The following CNTN6 variants were observed in gnomAD, a reference collection of about 807,000 sequenced individuals.
The protein encoded by CNTN6 is contactin 6.
A neutral mutation model predicts 122.8 loss-of-function variants in CNTN6; 137 were observed. The observed-to-expected ratio is 1.12, with a 90% CI of 0.97 to 1.29. CNTN6 has a LOEUF of 1.29. Among genes scored for constraint, CNTN6 ranks in the 50% most tolerant of loss-of-function variants. The pLI is 0.00. For synonymous variants in CNTN6, 570 were observed against 426.0 expected (o/e 1.34, Z -4.16); for missense variants, 1,634 against 1,223.4 (o/e 1.34, Z -5.01).
At chr3:1,248,410 C>T (rs2094610753) in intron 4 of CNTN6, among the ~76,000 whole-genome samples, 1 of 152,130 alleles carries the variant, frequency 6.6e-6, no homozygotes, top group South Asian at 2.1e-4. Flanking sequence ...ACAGTTATTT[C>T]TAATTAAACA....
intron 7 of CNTN6, among the ~76,000 whole-genome samples, chr3:1,306,313 G>A (rs1043363242): frequency 1.3e-5 from 2 of 151,902 alleles, no homozygotes; most frequent in African/African-American, 2.4e-5. Context: ...TTAACATGAC[G>A]TGGTATTGCT....
At chr3:1,094,271 T>C (rs2090399137) in intron 1 of CNTN6, among the ~76,000 whole-genome samples, 1 of 152,082 alleles carries the variant, frequency 6.6e-6, no homozygotes, top group African/African-American at 2.4e-5. Context: ...TCTTTTTCCC[T>C]CCTCCTTCAC....
intron 11 of CNTN6, among the ~76,000 whole-genome samples, chr3:1,336,102 G>C (rs935498933): frequency 7.0e-6 from 1 of 143,012 alleles, no homozygotes; most frequent in African/African-American, 2.5e-5. Context: ...TTTGGTAATT[G>C]ACAGCATTTT....
At chr3:1,199,413 C>T (rs1033378408) in intron 2 of CNTN6, among the ~76,000 whole-genome samples, 1 of 152,006 alleles carries the variant, frequency 6.6e-6, no homozygotes, top group African/African-American at 2.4e-5. Flanking sequence ...CTCCTAGGCT[C>T]AAGCAGTCCC....
intron 1 of CNTN6, among the ~76,000 whole-genome samples, chr3:1,141,322 A>G (rs1384907555): frequency 6.6e-6 from 1 of 152,190 alleles, no homozygotes; most frequent in East Asian, 1.9e-4. Flanking sequence ...ATGGATCTTG[A>G]TCTTCACTAT....
intron 6 of CNTN6, among the ~76,000 whole-genome samples, chr3:1,296,993 A>C (rs511112): frequency 0.44 from 65,703 of 150,046 alleles, 16,907 homozygotes; most frequent in African/African-American, 0.76. Flanking sequence ...AATCAAACCT[A>C]TTTTAAAAGT....
chr3:1,289,276 C>A (rs951337558), intron 5 of CNTN6, among the ~76,000 whole-genome samples: 3 of 152,120 alleles, frequency 2.0e-5, no homozygotes, highest in African/African-American at 7.2e-5. Flanking sequence ...CAGGCTGGCT[C>A]TTCAGATGAC....
In CNTN6 at chr3:1,136,894, A is replaced by G. The variant is rs181785610; in HGVS notation, c.-82-11033A>G. On this transcript the variant is annotated intron_variant, in intron 1 of 22. Transcript: ENST00000446702. The stretch of plus-strand genomic sequence containing the variant: ...CAGTTTCAGTCTCTTCACCTGTAAA[A>G]TGAAAGCAATAATTGTATACCTCTT... Among the ~76,000 whole-genome samples, 386 of 152,326 alleles carry G rather than the reference A, an allele frequency of 2.5e-3. 5 individuals carry two copies. The highest frequency in any genetic ancestry group is 3.3e-3 in the East Asian group (17 of 5,180).
chr3:1,352,225 C>G (rs943460792), intron 11 of CNTN6, 99 bp from the exon 12 acceptor site: 1 of 1,063,086 alleles, frequency 9.4e-7, no homozygotes, highest in Non-Finnish European at 1.3e-6. Context: ...TTATCACATA[C>G]ACCCATGATT....
intron 7 of CNTN6, among the ~76,000 whole-genome samples, 194 bp from the exon 8 acceptor site, chr3:1,321,456 C>T (rs935963838): frequency 2.6e-5 from 4 of 151,742 alleles, no homozygotes; most frequent in African/African-American, 9.7e-5. Context: ...TTGCATACGG[C>T]AGGCACTTAA....
At chr3:1,339,523 G>C (rs550393692) in intron 11 of CNTN6, among the ~76,000 whole-genome samples, 5 of 152,264 alleles carry the variant, frequency 3.3e-5, no homozygotes, top group Admixed American at 6.5e-5. Flanking sequence ...CATGTGAAGA[G>C]AGTGAGGGCA....
intron 10 of CNTN6, among the ~76,000 whole-genome samples, chr3:1,329,545 A>G (rs112423837): frequency 1.3e-5 from 2 of 151,790 alleles, no homozygotes; most frequent in Non-Finnish European, 2.9e-5. Context: ...CAACTGTTAC[A>G]TCATTTAATC....
At chr3:1,107,736 A>C (rs939761412) in intron 1 of CNTN6, among the ~76,000 whole-genome samples, 6 of 152,086 alleles carry the variant, frequency 3.9e-5, no homozygotes, top group Non-Finnish European at 8.8e-5. Context: ...GTGTATAATT[A>C]GCATGATTTC....
At chr3:1,239,576 A>G (rs2094458507) in intron 4 of CNTN6, among the ~76,000 whole-genome samples, 1 of 152,204 alleles carries the variant, frequency 6.6e-6, no homozygotes, top group African/African-American at 2.4e-5. Flanking sequence ...GAGAATCAAT[A>G]TTGTGAAAAT....
intron 4 of CNTN6, among the ~76,000 whole-genome samples, chr3:1,263,501 G>A (rs763134665): frequency 7.2e-5 from 11 of 152,096 alleles, no homozygotes; most frequent in Non-Finnish European, 1.3e-4. Flanking sequence ...TTCATTCGGG[G>A]CCGTTTTGCA....
intron 12 of CNTN6, among the ~76,000 whole-genome samples, chr3:1,359,980 G>A (rs1009670431): frequency 2.6e-5 from 4 of 152,000 alleles, no homozygotes; most frequent in African/African-American, 9.7e-5. Flanking sequence ...AGCCTGCCCT[G>A]TGTGTTGACG....
intron 2 of CNTN6, among the ~76,000 whole-genome samples, chr3:1,159,180 T>C (rs1218263726): frequency 2.6e-5 from 4 of 151,848 alleles, no homozygotes; most frequent in Admixed American, 6.6e-5. Context: ...ATTACCATAG[T>C]GGGGGCTTAT....
Position 1,329,724 on chromosome 3 carries a change from C to T in CNTN6, c.1214-61C>T. ...ATTCTGTCTAGCATAGCAAGTCACC[C>T]CTGGAGTCACTACATGTTAACTGAG... On this transcript the variant is annotated intron_variant, in intron 10 of 22. Transcript: ENST00000446702. 5 of 1,422,242 alleles carry T rather than the reference C, an allele frequency of 3.5e-6. No homozygotes were observed. The South Asian group carries it at 6.6e-5, about 19-fold the overall frequency. The allele number at this position is 1,422,242 out of a possible 1,614,324, so 88.1% of individuals were successfully genotyped here.
chr3:1,117,208 A>G (rs142288244), intron 1 of CNTN6, among the ~76,000 whole-genome samples: 23 of 152,296 alleles, frequency 1.5e-4, no homozygotes, highest in Middle Eastern at 3.4e-3. Flanking sequence ...ACTTTTATAT[A>G]AATATAAATA....
Sources: allele counts gnomAD v4.1 joint callset (sites outside exome capture counted in the v4.1 genomes callset), GRCh38; gene constraint gnomAD v4.1.1; transcripts MANE v1.5; gene names NCBI Gene and HGNC (gene_info 2026-07-23, HGNC 2026-07-21).